Variants in EDARADD observed in about 807,000 individuals in gnomAD.
The protein encoded by EDARADD is ectodysplasin-A receptor-associated adapter protein.
Under a neutral mutation model 25.6 loss-of-function variants are expected in EDARADD, and 20 were observed. The observed-to-expected ratio is 0.78, with a 90% CI of 0.55 to 1.14. The LOEUF (loss-of-function observed/expected upper bound fraction) is 1.14. Among genes scored for constraint, EDARADD ranks in the 50% most tolerant of loss-of-function variants. EDARADD has a pLI of 0.00. For synonymous variants in EDARADD, 86 were observed against 94.4 expected (o/e 0.91, Z 0.52); for missense variants, 225 against 270.1 (o/e 0.83, Z 1.17).
In EDARADD at chr1:236,462,404, G is replaced by T. The variant is rs564863676; in HGVS notation, c.220-5827G>T. ...GGTGTGAGTGACTCCATTTTGGGTT[G>T]GTCTATTGGGGTCTCGGTGCAGGAG... On this transcript the variant is annotated intron_variant, in intron 4 of 5. Transcript: ENST00000334232. Among the ~76,000 whole-genome samples the T allele has an allele frequency of 1.6e-4, 25 of 152,058 alleles. 1 individual carries two copies. The South Asian group carries it at 5.2e-3, about 32-fold the overall frequency.
At chr1:236,472,687 A>ATG (rs1659390462) in intron 5 of EDARADD, among the ~76,000 whole-genome samples, 1 of 151,940 alleles carries the variant, frequency 6.6e-6, no homozygotes, top group Non-Finnish European at 1.5e-5. Context: ...TATTCTATTC[A>ATG]TTGTTGCATG....
intron 3 of EDARADD, among the ~76,000 whole-genome samples, chr1:236,420,322 A>C (rs1274411779): frequency 1.3e-5 from 2 of 152,260 alleles, no homozygotes; most frequent in African/African-American, 4.8e-5. Flanking sequence ...AAATAACTTT[A>C]AACATTTACA....
chr1:236,410,543 G>C (rs1403804402), intron 2 of EDARADD, among the ~76,000 whole-genome samples: 1 of 152,108 alleles, frequency 6.6e-6, no homozygotes, highest in Non-Finnish European at 1.5e-5. Context: ...ACAGTTAATG[G>C]AAGTGTGCCG....
intron 1 of EDARADD, among the ~76,000 whole-genome samples, chr1:236,404,077 G>T (rs1667664432): frequency 6.6e-6 from 1 of 152,148 alleles, no homozygotes. Flanking sequence ...CGGCCCTGGC[G>T]AAACCACTGG....
chr1:236,368,548 C>T (rs1726638), intron 3 of EDARADD, among the ~76,000 whole-genome samples: 44,444 of 150,522 alleles, frequency 0.3, 6,887 homozygotes, highest in African/African-American at 0.39. Context: ...TCAAGCGATT[C>T]TCCTGCCTCA....
intron 3 of EDARADD, among the ~76,000 whole-genome samples, chr1:236,384,662 T>G (rs1374927544): frequency 6.6e-6 from 1 of 152,188 alleles, no homozygotes; most frequent in Admixed American, 6.5e-5. Flanking sequence ...GTAGCTAGAT[T>G]ACAGGTCTGT....
intron 3 of EDARADD, among the ~76,000 whole-genome samples, chr1:236,372,144 C>CG (rs1229250437): frequency 1.3e-5 from 2 of 151,460 alleles, no homozygotes; most frequent in South Asian, 2.1e-4. Context: ...TTAGTAGAGA[C>CG]GGGGTCTCAC....
chr1:236,379,069 C>T (rs867083034), intron 3 of EDARADD, among the ~76,000 whole-genome samples: 3 of 152,128 alleles, frequency 2.0e-5, no homozygotes, highest in South Asian at 2.1e-4. Context: ...GGAAGTTGCC[C>T]GTTTAAACAA....
chr1:236,360,092 A>G (rs1352050134), intron 3 of EDARADD, among the ~76,000 whole-genome samples: 1 of 152,106 alleles, frequency 6.6e-6, no homozygotes, highest in Non-Finnish European at 1.5e-5. Context: ...AGGCAGGAGG[A>G]TGGCTTGAGG....
chr1:236,428,259 G>A (rs558450301), intron 4 of EDARADD, among the ~76,000 whole-genome samples: 2 of 152,318 alleles, frequency 1.3e-5, no homozygotes, highest in East Asian at 3.9e-4. Context: ...AGTGGACACA[G>A]CACATGTTTC....
In EDARADD at chr1:236,482,566, G is replaced by C. The variant is rs371177909; in HGVS notation, c.565G>C (p.Ala189Pro). Residue 189 changes from alanine (A) to proline (P), a missense_variant, in exon 6 of 6, where the codon GCC becomes CCC. Physicochemically the swap from Ala to Pro is conservative, Grantham distance 27. Coordinates refer to ENST00000334232, the MANE Select transcript of EDARADD (RefSeq NM_145861.4). ...GGAGCTCTGCAGGCTCTACCACAGG[G>C]CCGACGTGGAGAAGGTTCTGCGCAG... is the stretch of plus-strand genomic sequence containing the variant. The part of the protein sequence containing the change: ...LMELCRLYHR[A>P]DVEKVLRRWV... 2 of 1,613,532 alleles carry C rather than the reference G, an allele frequency of 1.2e-6. No individual in the cohort carries two copies. The highest frequency in any genetic ancestry group is 8.5e-7 in the Non-Finnish European group (1 of 1,179,978).
intron 2 of EDARADD, among the ~76,000 whole-genome samples, chr1:236,349,484 A>G (rs1666889146): frequency 2.0e-5 from 3 of 152,016 alleles, no homozygotes; most frequent in Non-Finnish European, 4.4e-5. Context: ...TCAATCAAAT[A>G]CATTTAAGAA....
At chr1:236,412,371 G>C (rs188356618) in intron 2 of EDARADD, among the ~76,000 whole-genome samples, 122 of 152,248 alleles carry the variant, frequency 8.0e-4, no homozygotes, top group African/African-American at 2.9e-3. Flanking sequence ...TTGCCTGCTT[G>C]TCTGACTTCT....
At chr1:236,432,072 A>C (rs1658110988) in intron 4 of EDARADD, among the ~76,000 whole-genome samples, 1 of 152,242 alleles carries the variant, frequency 6.6e-6, no homozygotes, top group Non-Finnish European at 1.5e-5. Flanking sequence ...AACATTTCCT[A>C]GGACCTTTAT....
intron 3 of EDARADD, among the ~76,000 whole-genome samples, chr1:236,356,776 A>G (rs1666982772): frequency 6.6e-6 from 1 of 151,820 alleles, no homozygotes. Flanking sequence ...AACCACACCA[A>G]TTTGGCTTAA....
intron 5 of EDARADD, among the ~76,000 whole-genome samples, chr1:236,474,904 G>A (rs1185005772): frequency 6.6e-6 from 1 of 152,154 alleles, no homozygotes. Context: ...AGGCTGAGGC[G>A]GGTGGATCAC....
intron 4 of EDARADD, among the ~76,000 whole-genome samples, chr1:236,458,261 A>T (rs181949622): frequency 8.4e-4 from 128 of 152,384 alleles, no homozygotes; most frequent in Non-Finnish European, 1.3e-3. Flanking sequence ...GGTAACTCCC[A>T]TGCCCGTTGG....
chr1:236,465,018 T>C (rs1039713474), intron 4 of EDARADD, among the ~76,000 whole-genome samples: 2 of 152,194 alleles, frequency 1.3e-5, no homozygotes, highest in African/African-American at 4.8e-5. Context: ...CTTGTTGTCT[T>C]CTCCGTCACC....
At chr1:236,367,346 C>T (rs1759370) in intron 3 of EDARADD, among the ~76,000 whole-genome samples, 52,125 of 151,658 alleles carry the variant, frequency 0.34, 9,211 homozygotes, top group African/African-American at 0.42. Context: ...TCCCCTGCCT[C>T]GGCCTCTCCA....
Sources: gnomAD v4.1 joint callset for allele counts (sites outside exome capture counted in the v4.1 genomes callset) on GRCh38, gnomAD v4.1.1 for gene constraint, MANE v1.5 for transcripts, NCBI Gene and HGNC (gene_info 2026-07-23, HGNC 2026-07-21) for gene names.